PEMT: variants seen among roughly 807,000 people sequenced by gnomAD.
PEMT encodes the protein phosphatidylethanolamine N-methyltransferase.
Under a neutral mutation model 27.4 loss-of-function variants are expected in PEMT, and 23 were observed. That is an observed-to-expected ratio of 0.84 (90% CI 0.60 to 1.19). PEMT has a LOEUF of 1.19. PEMT is among the 50% of genes most tolerant of loss of function. The probability of loss-of-function intolerance (pLI) is 0.00; values close to 1 mark genes in which losing one functional copy is unlikely to be tolerated. For synonymous variants in PEMT, 137 were observed against 139.1 expected, an observed-to-expected ratio of 0.98 and a Z score of 0.11; for missense variants, 307 against 310.1, an observed-to-expected ratio of 0.99 and a Z score of 0.07.
At position 17,506,101 on chromosome 17, in the gene PEMT, GC is replaced by G; in HGVS notation, c.653+125del. On this transcript the variant is annotated intron_variant, in intron 6 of 6. Transcript: ENST00000255389. Reference sequence around the variant, plus strand: ...CTACCATGGCCGCTCTGACCTGGGAGCCCTGGAGTGGGCCTGGCTGACGGCA... The same window carrying G: ...CTACCATGGCCGCTCTGACCTGGGAGCCTGGAGTGGGCCTGGCTGACGGCA... The G allele has an allele frequency of 4.0e-6, 4 of 997,170 alleles. No individual in the cohort carries two copies. In the South Asian group the frequency reaches 6.7e-5, roughly 17 times the overall value. The allele number at this position is 997,170 out of a possible 1,614,324, so 61.8% of individuals were successfully genotyped here. A position where few individuals can be genotyped will look rare whatever the true frequency, so the allele number is the denominator to read the frequency against.
At chr17:17,528,997 C>A (rs1325065402) in intron 2 of PEMT, among the ~76,000 whole-genome samples, 1 of 152,246 alleles carries the variant, frequency 6.6e-6, no homozygotes, top group Non-Finnish European at 1.5e-5. Flanking sequence ...CACCGCGCAT[C>A]CCAGCGGGGC....
At chr17:17,585,655 A>G (rs1385291962) in intron 1 of PEMT, among the ~76,000 whole-genome samples, 4 of 152,234 alleles carry the variant, frequency 2.6e-5, no homozygotes, top group Non-Finnish European at 4.4e-5. Context: ...CTGGTTAATG[A>G]TAACAATGCA....
At chr17:17,588,698 G>A (rs1912447937) in intron 1 of PEMT, among the ~76,000 whole-genome samples, 1 of 152,170 alleles carries the variant, frequency 6.6e-6, no homozygotes, top group Non-Finnish European at 1.5e-5. Context: ...AGTGTGCTCT[G>A]CCAGCCTGGG....
At chr17:17,560,935 G>A (rs572826258) in intron 2 of PEMT, among the ~76,000 whole-genome samples, 1 of 152,062 alleles carries the variant, frequency 6.6e-6, no homozygotes, top group African/African-American at 2.4e-5. Flanking sequence ...TGGGCCCTGG[G>A]ATCCCTGAAC....
At chr17:17,552,261 G>A (rs1304879127) in intron 2 of PEMT, among the ~76,000 whole-genome samples, 3 of 151,046 alleles carry the variant, frequency 2.0e-5, no homozygotes, top group African/African-American at 4.9e-5. Flanking sequence ...GCAGTGAGCC[G>A]AGATCTCACC....
intron 2 of PEMT, among the ~76,000 whole-genome samples, chr17:17,542,443 C>T (rs1245276003): frequency 6.6e-6 from 1 of 152,184 alleles, no homozygotes; most frequent in African/African-American, 2.4e-5. Context: ...TTCTCCATAT[C>T]CTCAGCTCAC....
intron 1 of PEMT, among the ~76,000 whole-genome samples, chr17:17,579,413 C>T (rs58356850): frequency 0.062 from 9,489 of 152,296 alleles, 392 homozygotes; most frequent in East Asian, 0.14. Context: ...CGTGGTGGCT[C>T]ATGCCTATAA....
At chr17:17,510,964 G>A (rs967020636) in intron 4 of PEMT, among the ~76,000 whole-genome samples, 2 of 152,084 alleles carry the variant, frequency 1.3e-5, no homozygotes, top group Non-Finnish European at 2.9e-5. Context: ...TCCTGGAAGG[G>A]CCCCTCCACA....
At chr17:17,547,065 G>A (rs138848000) in intron 2 of PEMT, among the ~76,000 whole-genome samples, 46 of 152,380 alleles carry the variant, frequency 3.0e-4, no homozygotes, top group African/African-American at 1.1e-3. Flanking sequence ...CACATGCTCC[G>A]CCTGGGGGGC....
At chr17:17,585,138 G>C (rs1487153571) in intron 1 of PEMT, among the ~76,000 whole-genome samples, 1 of 152,194 alleles carries the variant, frequency 6.6e-6, no homozygotes, top group East Asian at 1.9e-4. Context: ...AGGAGTTCAA[G>C]ACTAGCCTAG....
chr17:17,577,320 C>T (rs921976838), intron 1 of PEMT: 2 of 477,226 alleles, frequency 4.2e-6, no homozygotes, highest in East Asian at 5.2e-5. Context: ...GACACCAACC[C>T]TGGTGTGACC....
intron 2 of PEMT, among the ~76,000 whole-genome samples, chr17:17,558,681 CGA>C: frequency 1.6e-5 from 1 of 61,070 alleles, no homozygotes. Context: ...ACCAGTCTCA[CGA>C]AAAAAAAAAA....
At chr17:17,510,257 C>G (rs568559712) in intron 4 of PEMT, among the ~76,000 whole-genome samples, 1 of 152,232 alleles carries the variant, frequency 6.6e-6, no homozygotes, top group Non-Finnish European at 1.5e-5. Flanking sequence ...CAGAGCTGCT[C>G]TGAGCCATAA....
intron 2 of PEMT, among the ~76,000 whole-genome samples, chr17:17,530,019 G>GACAGGGGCTTAT (rs1241935408): frequency 1.3e-5 from 2 of 152,152 alleles, no homozygotes; most frequent in Non-Finnish European, 2.9e-5. Flanking sequence ...GTTGTATAAG[G>GACAGGGGCTTAT]ACATGAAGAG....
At chr17:17,541,027 C>T (rs1908841997) in intron 2 of PEMT, among the ~76,000 whole-genome samples, 1 of 152,200 alleles carries the variant, frequency 6.6e-6, no homozygotes, top group African/African-American at 2.4e-5. Context: ...GTCCAGCCAC[C>T]CTGGCCGCTG....
intron 2 of PEMT, among the ~76,000 whole-genome samples, chr17:17,527,894 C>A (rs8078513): frequency 0.072 from 10,950 of 152,280 alleles, 503 homozygotes; most frequent in African/African-American, 0.12. Flanking sequence ...TCCTCTCTCA[C>A]CTTGTCCTTC....
chr17:17,589,708 T>C (rs1190006797), intron 1 of PEMT, among the ~76,000 whole-genome samples: 1 of 152,156 alleles, frequency 6.6e-6, no homozygotes, highest in East Asian at 1.9e-4. Context: ...GAGATTTTGA[T>C]TGAGGAGGGA....
chr17:17,515,000 G>A (rs1906713097), intron 3 of PEMT, among the ~76,000 whole-genome samples: 1 of 152,240 alleles, frequency 6.6e-6, no homozygotes, highest in Non-Finnish European at 1.5e-5. Flanking sequence ...CGGCCCGGCA[G>A]GGTTTGGAAT....
chr17:17,506,203 C>A lies in PEMT; in HGVS notation c.653+24G>T, dbSNP rs758636184. The A allele has an allele frequency of 3.3e-6, 5 of 1,521,644 alleles. No homozygotes were observed. The African/African-American group carries it at 6.9e-5, about 21-fold the overall frequency. 94.3% of individuals were successfully genotyped at this position (1,521,644 alleles called of 1,614,324 possible). A position where few individuals can be genotyped will look rare whatever the true frequency, so the allele number is the denominator to read the frequency against. On this transcript the variant is annotated intron_variant, in intron 6 of 6. Coordinates refer to ENST00000255389, the MANE Select transcript of PEMT (RefSeq NM_148172.3). The stretch of plus-strand genomic sequence containing the variant: ...CAGGGCCAGTCGGGCAGCCACGCCC[C>A]CACCCGCCGCAGCCCCTACTCACTC...
Sources: gnomAD v4.1 joint callset for allele counts (sites outside exome capture counted in the v4.1 genomes callset) on GRCh38, gnomAD v4.1.1 for gene constraint, MANE v1.5 for transcripts, NCBI Gene and HGNC (gene_info 2026-07-23, HGNC 2026-07-21) for gene names.